SOX5: variants seen among roughly 807,000 people sequenced by gnomAD.
SOX5 encodes the protein SRY-box transcription factor 5, also known as transcription factor SOX-5.
SOX5 carries 9 observed loss-of-function variants against 92.0 expected under a neutral mutation model. The observed-to-expected ratio is 0.10, with a 90% CI of 0.06 to 0.17. The LOEUF (loss-of-function observed/expected upper bound fraction) is 0.17, where lower values mean the gene tolerates loss of function less well. Ranked by LOEUF, SOX5 falls within the 10% of genes least tolerant of loss-of-function variation. SOX5 has a pLI of 1.00. For synonymous variants in SOX5, 344 were observed against 336.3 expected, an observed-to-expected ratio of 1.02 and a Z score of -0.25; for missense variants, 642 against 944.5, an observed-to-expected ratio of 0.68 and a Z score of 4.20.
At chr12:24,019,279 C>T (rs985432432) in intron 4 of SOX5, among the ~76,000 whole-genome samples, 3 of 152,144 alleles carry the variant, frequency 2.0e-5, no homozygotes, top group Admixed American at 2.0e-4. Context: ...AAATATAATG[C>T]ATTGAAATGA....
intron 3 of SOX5, among the ~76,000 whole-genome samples, chr12:24,266,419 T>C (rs2140293511): frequency 6.6e-6 from 1 of 152,276 alleles, no homozygotes; most frequent in South Asian, 2.1e-4. Context: ...GTGAAATGGT[T>C]CTGGTACAGT....
intron 4 of SOX5, among the ~76,000 whole-genome samples, chr12:24,174,825 A>G (rs932691340): frequency 6.6e-6 from 1 of 152,194 alleles, no homozygotes; most frequent in African/African-American, 2.4e-5. Flanking sequence ...CATCTCAAAA[A>G]AAAAAGAAAA....
At position 23,598,694 on chromosome 12, in the gene SOX5, C is replaced by T. The variant is rs181990243; in HGVS notation, c.1164+5693G>A. ...GATTACAGGTGTGAGCCAACGCACC[C>T]GGCCACTCTTGTGCTATATCTTTAA... On this transcript the variant is annotated intron_variant, in intron 9 of 14. Transcript: ENST00000451604. 3.8e-4 allele frequency among the ~76,000 whole-genome samples: 58 copies of T among 152,120 alleles called. No homozygotes were observed. In the East Asian group the frequency reaches 8.9e-3, roughly 23 times the overall value.
intron 8 of SOX5, among the ~76,000 whole-genome samples, chr12:23,612,270 A>T (rs1330133096): frequency 6.6e-6 from 1 of 152,102 alleles, no homozygotes; most frequent in Non-Finnish European, 1.5e-5. Context: ...GGTACATGTG[A>T]TAATTTGATA....
At chr12:24,408,946 T>C (rs897535346) in intron 1 of SOX5, among the ~76,000 whole-genome samples, 11 of 152,154 alleles carry the variant, frequency 7.2e-5, no homozygotes, top group Admixed American at 5.9e-4. Context: ...GAACCGGAAA[T>C]ATCATTTGAC....
In SOX5 at chr12:23,534,341, C is replaced by T; in HGVS notation, c.2170G>A (p.Glu724Lys). 6.2e-7 allele frequency: 1 copy of T among 1,614,160 alleles called. No homozygotes were observed. Among genetic ancestry groups the T allele is most frequent in the Non-Finnish European group, 8.5e-7 (1 of 1,180,024 alleles). ...GVKGEEPHIK[E>K]EIQAEDINGE... ...TTGATGTCCTCGGCCTGTATCTCTT[C>T]TTTGATATGTGGCTCCTCTCCTTTC... Residue 724 changes from glutamate (E) to lysine (K), a missense_variant, in exon 15 of 15, where the codon GAA becomes AAA. Physicochemically the swap from Glu to Lys is moderately conservative, Grantham distance 56. Around this residue, in one of 8 missense-constraint regions of SOX5, gnomAD observed 130 missense variants for 140.6 expected, o/e 0.92. Coordinates refer to ENST00000451604, the MANE Select transcript of SOX5 (RefSeq NM_006940.6).
At chr12:24,008,788 G>A (rs1339327095) in intron 4 of SOX5, among the ~76,000 whole-genome samples, 1 of 152,108 alleles carries the variant, frequency 6.6e-6, no homozygotes, top group Non-Finnish European at 1.5e-5. Context: ...CTCTAAAGAT[G>A]GCTCCCTAAT....
chr12:23,931,909 G>A (rs923592357), intron 1 of SOX5, among the ~76,000 whole-genome samples: 1 of 151,538 alleles, frequency 6.6e-6, no homozygotes, highest in African/African-American at 2.4e-5. Context: ...GCTATCTTCA[G>A]AGTAGACATT....
chr12:23,850,461 AT>A (rs2096620999), intron 2 of SOX5, among the ~76,000 whole-genome samples: 2 of 89,324 alleles, frequency 2.2e-5, no homozygotes, highest in Non-Finnish European at 4.2e-5. Context: ...TAAAAAAAAA[AT>A]AAATAAAAAA....
At chr12:24,025,354 C>G (rs1053015488) in intron 4 of SOX5, among the ~76,000 whole-genome samples, 2 of 151,968 alleles carry the variant, frequency 1.3e-5, no homozygotes, top group African/African-American at 4.8e-5. Flanking sequence ...TAAACTCATG[C>G]AAAAGGTTTG....
chr12:24,184,189 C>T (rs766737550), intron 4 of SOX5, among the ~76,000 whole-genome samples: 4 of 152,044 alleles, frequency 2.6e-5, no homozygotes, highest in African/African-American at 4.8e-5. Context: ...CAGTCATTGA[C>T]AACCAGAAAG....
At chr12:23,976,861 A>G (rs1312532731) in intron 4 of SOX5, among the ~76,000 whole-genome samples, 1 of 152,096 alleles carries the variant, frequency 6.6e-6, no homozygotes, top group East Asian at 1.9e-4. Flanking sequence ...ATATAAAACA[A>G]CTAGTAAAAC....
At chr12:23,937,321 TC>T (rs1383297339) in intron 1 of SOX5, among the ~76,000 whole-genome samples, 2 of 150,952 alleles carry the variant, frequency 1.3e-5, no homozygotes, top group East Asian at 3.9e-4. Flanking sequence ...CCAATACTCT[TC>T]TATTGAGCAT....
intron 2 of SOX5, among the ~76,000 whole-genome samples, chr12:24,359,821 T>C (rs1291661989): frequency 2.0e-5 from 3 of 152,210 alleles, no homozygotes; most frequent in Non-Finnish European, 4.4e-5. Flanking sequence ...GACATTTGAA[T>C]AGCCTTGAAA....
intron 7 of SOX5, among the ~76,000 whole-genome samples, chr12:23,660,280 A>G (rs878931865): frequency 2.6e-5 from 4 of 152,224 alleles, no homozygotes; most frequent in Non-Finnish European, 1.5e-5. Flanking sequence ...ACATAATAAG[A>G]CAGGCACAAT....
At chr12:23,899,238 C>T (rs1350939052) in intron 1 of SOX5, among the ~76,000 whole-genome samples, 1 of 151,924 alleles carries the variant, frequency 6.6e-6, no homozygotes, top group Non-Finnish European at 1.5e-5. Context: ...CCCATCTCTA[C>T]TAAAAATACA....
At chr12:24,145,216 AAAG>A (rs1950956227) in intron 4 of SOX5, among the ~76,000 whole-genome samples, 2 of 152,208 alleles carry the variant, frequency 1.3e-5, no homozygotes, top group Admixed American at 1.3e-4. Context: ...CTTATACCTC[AAAG>A]AAGAAATAAA....
chr12:24,417,148 C>G (rs937121296), intron 1 of SOX5, among the ~76,000 whole-genome samples: 1 of 152,114 alleles, frequency 6.6e-6, no homozygotes, highest in Non-Finnish European at 1.5e-5. Context: ...GAGATTCTTC[C>G]TGCTGATCAA....
In SOX5 at chr12:24,496,752, T is replaced by A. The variant is rs576949559; in HGVS notation, c.-251+65577A>T. On this transcript the variant is annotated intron_variant, in intron 1 of 4. Transcript: ENST00000446891. The stretch of plus-strand genomic sequence containing the variant: ...CAAGATTTCAGCGTATTAATGAGAA[T>A]AAAAGAGCACCCAAAGAATGCATTG... 5.9e-5 allele frequency among the ~76,000 whole-genome samples: 9 copies of A among 152,324 alleles called. No individual in the cohort carries two copies. The East Asian group carries it at 1.7e-3, about 29-fold the overall frequency.
Sources: allele counts gnomAD v4.1 joint callset (sites outside exome capture counted in the v4.1 genomes callset), GRCh38; gene constraint gnomAD v4.1.1; regional missense constraint gnomAD v4.1.1; transcripts MANE v1.5; gene names NCBI Gene and HGNC (gene_info 2026-07-23, HGNC 2026-07-21).